The following ASXL2 variants were observed in gnomAD, a reference collection of about 807,000 sequenced individuals.
The protein encoded by ASXL2 is putative Polycomb group protein ASXL2.
In ASXL2, 23 loss-of-function variants were observed where a neutral mutation model predicts 122.0. The observed-to-expected ratio is 0.19, with a 90% confidence interval of 0.14 to 0.27. The LOEUF is 0.27. Ranked by LOEUF, ASXL2 falls within the 10% of genes least tolerant of loss-of-function variation. The pLI is 1.00. For synonymous variants in ASXL2, 650 were observed against 637.0 expected (o/e 1.02, Z -0.31); for missense variants, 1,518 against 1,713.8 (o/e 0.89, Z 2.02).
intron 1 of ASXL2, among the ~76,000 whole-genome samples, chr2:25,863,228 G>A (rs999892862): frequency 6.6e-6 from 1 of 151,644 alleles, no homozygotes; most frequent in Non-Finnish European, 1.5e-5. Flanking sequence ...TACTCAGAAG[G>A]CTAAGGCAGG....
intron 1 of ASXL2, among the ~76,000 whole-genome samples, chr2:25,864,847 T>C (rs2089881745): frequency 6.6e-6 from 1 of 151,926 alleles, no homozygotes; most frequent in Admixed American, 6.5e-5. Flanking sequence ...TTTTTTTTTT[T>C]TGAGACGGAG....
At chr2:25,850,668 T>C (rs1409958391) in intron 1 of ASXL2, among the ~76,000 whole-genome samples, 1 of 152,212 alleles carries the variant, frequency 6.6e-6, no homozygotes, top group African/African-American at 2.4e-5. Flanking sequence ...ATTATAAAGT[T>C]TCCCATCAGC....
chr2:25,759,366 G>T, intron 9 of ASXL2, 116 bp downstream of exon 9: 4 of 1,120,088 alleles, frequency 3.6e-6, no homozygotes, highest in Non-Finnish European at 4.9e-6. Context: ...AAAAAAACCT[G>T]CCTATTAAGA....
Position 25,742,189 on chromosome 2 carries a change from G to A in ASXL2, c.4148C>T (p.Pro1383Leu). ...MNPSSHGQTI[P>L]VQAFSEENSI... ...GTTCTCTTCGGAGAACGCCTGAACA[G>A]GAATGGTCTGGCCATGGCTGCTGGG... The change falls in exon 13 of 13, where the codon CCT becomes CTT. Residue 1383 changes from proline to leucine, a missense_variant. Around this residue, in one of 8 missense-constraint regions of ASXL2, gnomAD observed 831 missense variants for 833.1 expected, o/e 1.00. Transcript: ENST00000435504. 1 of 1,614,026 alleles carries A rather than the reference G, an allele frequency of 6.2e-7. No individual in the cohort carries two copies. The highest frequency in any genetic ancestry group is 8.5e-7 in the Non-Finnish European group (1 of 1,179,896).
intron 10 of ASXL2, among the ~76,000 whole-genome samples, chr2:25,753,871 C>G (rs2088088047): frequency 6.6e-6 from 1 of 152,154 alleles, no homozygotes; most frequent in Admixed American, 6.5e-5. Flanking sequence ...GCTGACAAAG[C>G]CTTTTCGCTG....
chr2:25,780,621 C>T (rs892970321), intron 5 of ASXL2, among the ~76,000 whole-genome samples: 18 of 152,112 alleles, frequency 1.2e-4, no homozygotes, highest in East Asian at 5.8e-4. Context: ...GTGATTCTGA[C>T]GCAAGCTCGA....
At chr2:25,824,455 C>T (rs1002093360) in intron 3 of ASXL2, among the ~76,000 whole-genome samples, 1 of 151,864 alleles carries the variant, frequency 6.6e-6, no homozygotes, top group African/African-American at 2.4e-5. Context: ...AGCCAAATGA[C>T]AGTCTCTTTA....
chr2:25,783,393 G>T (rs1243700065), intron 5 of ASXL2, among the ~76,000 whole-genome samples: 2 of 148,786 alleles, frequency 1.3e-5, no homozygotes, highest in African/African-American at 2.5e-5. Flanking sequence ...TATACTCATG[G>T]TTTTTTCCTT....
chr2:25,810,489 G>C, intron 3 of ASXL2: 2 of 742,314 alleles, frequency 2.7e-6, no homozygotes, highest in Non-Finnish European at 4.9e-6. Flanking sequence ...CAACCAGCTG[G>C]ATCCTATGGT....
Position 25,754,505 on chromosome 2 carries a change from G to T in ASXL2, c.1037-866C>A, listed in dbSNP as rs546345306. Among the ~76,000 whole-genome samples, 7 of 152,298 alleles carry T rather than the reference G, an allele frequency of 4.6e-5. No individual in the cohort carries two copies. The East Asian group carries it at 1.3e-3, about 29-fold the overall frequency. On this transcript the variant is annotated intron_variant, in intron 10 of 12. Coordinates refer to ENST00000435504, the MANE Select transcript of ASXL2 (RefSeq NM_018263.6). ...AGTCGTGGGCAAAGGATTGGGAAAA[G>T]AGAGATTTGGCTGTCAGAATCCAAC...
intron 3 of ASXL2, among the ~76,000 whole-genome samples, chr2:25,817,742 C>T (rs1304849844): frequency 1.3e-5 from 2 of 152,070 alleles, no homozygotes; most frequent in Non-Finnish European, 2.9e-5. Context: ...AAATTGCATA[C>T]AGATGGAAAT....
chr2:25,853,109 CA>C (rs1379647805), intron 1 of ASXL2, among the ~76,000 whole-genome samples: 1 of 152,140 alleles, frequency 6.6e-6, no homozygotes, highest in African/African-American at 2.4e-5. Context: ...CCATGAGTGG[CA>C]AGTAATTTCA....
chr2:25,857,410 T>C (rs1444195627), intron 1 of ASXL2, among the ~76,000 whole-genome samples: 2 of 152,184 alleles, frequency 1.3e-5, no homozygotes, highest in East Asian at 1.9e-4. Flanking sequence ...TCTCTGCATA[T>C]AGTTTTCATC....
At chr2:25,852,048 T>TC (rs2089721794) in intron 1 of ASXL2, among the ~76,000 whole-genome samples, 2 of 744 alleles carry the variant, frequency 2.7e-3, no homozygotes, top group Non-Finnish European at 5.1e-3. Flanking sequence ...TTACATTATC[T>TC]TCCACAAGCG....
intron 3 of ASXL2, chr2:25,809,860 T>A (rs2089140884): frequency 2.1e-6 from 1 of 479,900 alleles, no homozygotes; most frequent in Non-Finnish European, 4.1e-6. Context: ...CAGCTTTGGG[T>A]AGGCTGGCCT....
intron 4 of ASXL2, 53 bp downstream of exon 4, chr2:25,806,176 T>C: frequency 8.8e-7 from 1 of 1,131,250 alleles, no homozygotes; most frequent in Non-Finnish European, 1.3e-6. Flanking sequence ...AATATTTATA[T>C]GTGGTCACTT....
chr2:25,760,464 T>C (rs1033125058), intron 8 of ASXL2, among the ~76,000 whole-genome samples: 5 of 152,228 alleles, frequency 3.3e-5, no homozygotes, highest in Non-Finnish European at 5.9e-5. Flanking sequence ...AATGGGACTA[T>C]GCAGGGGGAA....
chr2:25,868,019 A>G (rs1172384184), intron 1 of ASXL2, among the ~76,000 whole-genome samples: 2 of 152,250 alleles, frequency 1.3e-5, no homozygotes, highest in Non-Finnish European at 2.9e-5. Flanking sequence ...ATACAGAATA[A>G]AACAACACAA....
chr2:25,743,077 T>C lies in ASXL2; in HGVS notation c.3260A>G (p.Gln1087Arg), dbSNP rs377540463. Residue 1087 changes from glutamine to arginine, a missense_variant, in exon 13 of 13, where the codon CAG becomes CGG. By Grantham distance (43) the Gln-to-Arg change is conservative (BLOSUM62 1). Transcript: ENST00000435504. ...GAAACCTGAGTGAGCGAAGTTGAAC[T>C]GTGAGGGCGGCACAACTGAGAGAAG... ...QNLLSVVPPS[Q>R]FNFAHSGFQL... The C allele has an allele frequency of 3.7e-6, 6 of 1,614,034 alleles. No homozygotes were observed. Among genetic ancestry groups the C allele is most frequent in the South Asian group, 3.3e-5 (3 of 91,088 alleles).
Sources: gnomAD v4.1 joint callset for allele counts (sites outside exome capture counted in the v4.1 genomes callset) on GRCh38, gnomAD v4.1.1 for gene constraint, gnomAD v4.1.1 regional missense constraint, MANE v1.5 for transcripts, NCBI Gene and HGNC (gene_info 2026-07-23, HGNC 2026-07-21) for gene names.